NELL1: variants seen among roughly 807,000 people sequenced by gnomAD.
The protein encoded by NELL1 is protein kinase C-binding protein NELL1.
A neutral mutation model predicts 107.4 loss-of-function variants in NELL1; 76 were observed. The ratio of observed to expected loss-of-function variants is 0.71; its 90% CI spans 0.59 to 0.86. NELL1 has a LOEUF of 0.86. Ranked by LOEUF, NELL1 falls within the 40% of genes least tolerant of loss-of-function variation. NELL1 has a pLI of 0.00. For synonymous variants in NELL1, 353 were observed against 341.2 expected, an observed-to-expected ratio of 1.03 and a Z score of -0.38; for missense variants, 1,024 against 1,005.5, an observed-to-expected ratio of 1.02 and a Z score of -0.25.
intron 13 of NELL1, among the ~76,000 whole-genome samples, chr11:21,204,023 C>T (rs1244940012): frequency 6.6e-6 from 1 of 152,152 alleles, no homozygotes; most frequent in Non-Finnish European, 1.5e-5. Context: ...CCCGACCTTA[C>T]TCTCTGGCTG....
intron 14 of NELL1, among the ~76,000 whole-genome samples, chr11:21,298,716 T>C (rs920277794): frequency 6.6e-6 from 1 of 151,992 alleles, no homozygotes; most frequent in Non-Finnish European, 1.5e-5. Flanking sequence ...ATGTATACCA[T>C]CTGGACCATT....
chr11:21,363,769 T>C (rs2133742049), intron 14 of NELL1, among the ~76,000 whole-genome samples: 1 of 152,332 alleles, frequency 6.6e-6, no homozygotes, highest in Non-Finnish European at 1.5e-5. Flanking sequence ...AATACATGTT[T>C]ATTATCACAC....
chr11:21,263,132 A>T (rs965501892), intron 14 of NELL1, among the ~76,000 whole-genome samples: 1 of 151,864 alleles, frequency 6.6e-6, no homozygotes, highest in East Asian at 1.9e-4. Flanking sequence ...CATGGTGAGT[A>T]ATCAAGGGAT....
chr11:21,462,385 T>G (rs907895651), intron 15 of NELL1, among the ~76,000 whole-genome samples: 6 of 152,110 alleles, frequency 3.9e-5, no homozygotes, highest in Admixed American at 6.6e-5. Flanking sequence ...AATGTCCTAT[T>G]TTAGCAGGAT....
chr11:21,015,931 G>T (rs1221244251), intron 12 of NELL1, among the ~76,000 whole-genome samples: 4 of 152,036 alleles, frequency 2.6e-5, no homozygotes, highest in Non-Finnish European at 4.4e-5. Flanking sequence ...ATTTAGTCCT[G>T]GTTTGTGTGA....
chr11:20,773,519 G>A (rs2133971225), intron 2 of NELL1: 1 of 149,442 alleles, frequency 6.7e-6, no homozygotes, highest in Admixed American at 6.7e-5. Flanking sequence ...TTTTTAAGAT[G>A]GAGTCTGGCT....
intron 2 of NELL1, among the ~76,000 whole-genome samples, chr11:20,706,676 TAAA>T (rs563903156): frequency 4.1e-5 from 6 of 147,260 alleles, no homozygotes; most frequent in Admixed American, 2.7e-4. Context: ...AATAACAAAA[TAAA>T]AAAAAAAGGA....
rs191378446 is a variant in NELL1 at position 21,114,445 on chromosome 11, A to G, written c.1426+731A>G. Among the ~76,000 whole-genome samples, 203 of 152,150 alleles carry G rather than the reference A, an allele frequency of 1.3e-3. 1 individual carries two copies. Among genetic ancestry groups the G allele is most frequent in the African/African-American group, 4.7e-3 (194 of 41,542 alleles). Reference sequence around the variant, plus strand: ...AAGGGTCCCTTGAACCCAAGATTTCAATCATGTTGTAACTTTTCCTGATGT... The same window carrying G: ...AAGGGTCCCTTGAACCCAAGATTTCGATCATGTTGTAACTTTTCCTGATGT... On this transcript the variant is annotated intron_variant, in intron 13 of 19. Coordinates refer to ENST00000357134, the MANE Select transcript of NELL1 (RefSeq NM_006157.5).
At chr11:21,197,792 T>C (rs1857187083) in intron 13 of NELL1, among the ~76,000 whole-genome samples, 1 of 152,138 alleles carries the variant, frequency 6.6e-6, no homozygotes, top group Non-Finnish European at 1.5e-5. Context: ...TCTAGGTGCT[T>C]TAACTTTCAT....
At chr11:21,124,795 T>A (rs1855453032) in intron 13 of NELL1, among the ~76,000 whole-genome samples, 1 of 151,980 alleles carries the variant, frequency 6.6e-6, no homozygotes, top group Non-Finnish European at 1.5e-5. Flanking sequence ...CAGACAGGGT[T>A]TCTCCATATT....
At chr11:21,335,851 G>C (rs10437584) in intron 14 of NELL1, among the ~76,000 whole-genome samples, 3 of 151,864 alleles carry the variant, frequency 2.0e-5, no homozygotes, top group East Asian at 3.9e-4. Flanking sequence ...ATCTCTGTTT[G>C]CATGTTCAGC....
chr11:20,928,096 A>G (rs1850538344), intron 8 of NELL1, among the ~76,000 whole-genome samples: 1 of 152,198 alleles, frequency 6.6e-6, no homozygotes, highest in Non-Finnish European at 1.5e-5. Flanking sequence ...TGTGTTATTT[A>G]TGTTCTTATA....
chr11:21,446,589 A>C (rs1426687172), intron 15 of NELL1, among the ~76,000 whole-genome samples: 4 of 152,200 alleles, frequency 2.6e-5, no homozygotes, highest in Non-Finnish European at 5.9e-5. Flanking sequence ...GTAATGCTGT[A>C]GTTCTTGTAG....
intron 4 of NELL1, among the ~76,000 whole-genome samples, chr11:20,877,194 G>A (rs149489172): frequency 6.6e-6 from 1 of 152,322 alleles, no homozygotes; most frequent in Non-Finnish European, 1.5e-5. Context: ...CAGTAAAGAT[G>A]AGGCTCTGTA....
At chr11:21,555,403 C>A (rs1297076619) in intron 16 of NELL1, among the ~76,000 whole-genome samples, 1 of 151,858 alleles carries the variant, frequency 6.6e-6, no homozygotes, top group Non-Finnish European at 1.5e-5. Context: ...CGGAAGCTTG[C>A]ACACATTCAG....
chr11:20,905,510 T>A (rs986450996), intron 5 of NELL1, among the ~76,000 whole-genome samples: 1 of 152,100 alleles, frequency 6.6e-6, no homozygotes, highest in Non-Finnish European at 1.5e-5. Context: ...CTTAAAGAGC[T>A]AGATGAAAAC....
intron 12 of NELL1, among the ~76,000 whole-genome samples, chr11:21,060,029 G>A (rs191710372): frequency 7.9e-5 from 12 of 152,240 alleles, no homozygotes; most frequent in East Asian, 1.9e-4. Flanking sequence ...CCATAGTAGC[G>A]TGCCTTATGC....
At chr11:20,682,470 A>G (rs114239883) in intron 2 of NELL1, among the ~76,000 whole-genome samples, 5,388 of 152,090 alleles carry the variant, frequency 0.035, 330 homozygotes, top group African/African-American at 0.12. Context: ...TAAATTTTTA[A>G]TTTGTAGTAA....
intron 14 of NELL1, among the ~76,000 whole-genome samples, chr11:21,350,621 G>A (rs1850787823): frequency 6.6e-6 from 1 of 152,128 alleles, no homozygotes; most frequent in Non-Finnish European, 1.5e-5. Context: ...GGTTTTTTAA[G>A]TTTACTCTGG....
Sources: allele counts gnomAD v4.1 joint callset (sites outside exome capture counted in the v4.1 genomes callset), GRCh38; gene constraint gnomAD v4.1.1; transcripts MANE v1.5; gene names NCBI Gene and HGNC (gene_info 2026-07-23, HGNC 2026-07-21).